The following TPST1 variants were observed in gnomAD, a reference collection of about 807,000 sequenced individuals.
TPST1 encodes tyrosylprotein sulfotransferase 1.
In TPST1, 20 loss-of-function variants were observed where a neutral mutation model predicts 34.8. The observed-to-expected ratio is 0.57, with a 90% CI of 0.40 to 0.84. The LOEUF (loss-of-function observed/expected upper bound fraction) is 0.84. Ranked by LOEUF, TPST1 falls within the 40% of genes least tolerant of loss-of-function variation. The probability of loss-of-function intolerance (pLI) is 0.00; values close to 1 mark genes in which losing one functional copy is unlikely to be tolerated. For synonymous variants in TPST1, 152 were observed against 159.4 expected, an observed-to-expected ratio of 0.95 and a Z score of 0.35; for missense variants, 353 against 455.5, an observed-to-expected ratio of 0.78 and a Z score of 2.05.
At chr7:66,202,976 T>C (rs895548753), upstream of TPST1, among the ~76,000 whole-genome samples, 2 of 152,100 alleles carry the variant, frequency 1.3e-5, no homozygotes, top group African/African-American at 4.8e-5. Flanking sequence ...CTGGGGAGGC[T>C]GAGGCTGAAG....
upstream of TPST1, among the ~76,000 whole-genome samples, chr7:66,201,794 AGTGAGC>A (rs1344993063): frequency 6.6e-6 from 1 of 150,744 alleles, no homozygotes; most frequent in Admixed American, 6.6e-5. Context: ...TTGAGGCTGC[AGTGAGC>A]TATGACTATG....
rs529107245 is a variant in TPST1, at chr7:66,280,090, C to T, written c.846-6421C>T. On this transcript the variant is annotated intron_variant, in intron 2 of 5. Transcript: ENST00000304842. Reference sequence around the variant, plus strand: ...GGCCCACAGTCCCCCTGGCATTTCTCGGCCCTTGTGGGCTGCAGACGGAAA... The same window carrying T: ...GGCCCACAGTCCCCCTGGCATTTCTTGGCCCTTGTGGGCTGCAGACGGAAA... Among the ~76,000 whole-genome samples, 342 of 152,324 alleles carry T rather than the reference C, an allele frequency of 2.2e-3. 2 individuals carry two copies. The highest frequency in any genetic ancestry group is 8.0e-3 in the African/African-American group (332 of 41,566).
chr7:66,240,283 A>G, intron 1 of TPST1, 42 bp from the exon 2 acceptor site: 3 of 1,014,164 alleles, frequency 3.0e-6, no homozygotes, highest in Non-Finnish European at 4.2e-6. Context: ...TTTGTAAGCA[A>G]TCTCAATGTA....
chr7:66,217,232 A>G (rs188197978), intron 1 of TPST1, among the ~76,000 whole-genome samples: 50 of 152,148 alleles, frequency 3.3e-4, no homozygotes, highest in African/African-American at 8.7e-4. Context: ...GTAGTCTTCT[A>G]TTTCCTTGCT....
intron 2 of TPST1, among the ~76,000 whole-genome samples, chr7:66,241,554 G>T (rs889646661): frequency 6.6e-6 from 1 of 152,036 alleles, no homozygotes. Flanking sequence ...CCTTACAGGC[G>T]GTGAAAAGCC....
intron 3 of TPST1, among the ~76,000 whole-genome samples, chr7:66,294,511 A>G (rs888688616): frequency 2.0e-5 from 3 of 152,112 alleles, no homozygotes; most frequent in African/African-American, 7.2e-5. Context: ...CATTATTAGC[A>G]GCTATATGGG....
rs565008281 is a variant in TPST1 at position 66,229,223 on chromosome 7, G to T, written c.-101-11102G>T. Among the ~76,000 whole-genome samples, 5 of 151,804 alleles carry T rather than the reference G, an allele frequency of 3.3e-5. No homozygotes were observed. The South Asian group carries it at 1.0e-3, about 32-fold the overall frequency. ...CTTCCTAGATTCACACCATTGTCCT[G>T]CCTCAGCCTCCGGAGTAGCTGGGAC... On this transcript the variant is annotated intron_variant, in intron 1 of 5. Transcript: ENST00000304842.
chr7:66,212,107 T>A lies in TPST1; in HGVS notation c.-102+6585T>A, dbSNP rs563186389. 3.9e-5 allele frequency among the ~76,000 whole-genome samples: 6 copies of A among 152,338 alleles called. 1 individual carries two copies. The highest frequency in any genetic ancestry group is 4.4e-5 in the Non-Finnish European group (3 of 68,026). On this transcript the variant is annotated intron_variant, in intron 1 of 5. Coordinates refer to ENST00000304842, the MANE Select transcript of TPST1 (RefSeq NM_003596.4). ...TACAGAGGTTTATTCAGGCTTTGTC[T>A]TTAGAAGATACTATTTAAAATAGAC...
At chr7:66,216,642 G>A (rs1253531355) in intron 1 of TPST1, among the ~76,000 whole-genome samples, 1 of 151,946 alleles carries the variant, frequency 6.6e-6, no homozygotes, top group Non-Finnish European at 1.5e-5. Flanking sequence ...GCTAATTTTT[G>A]TATTTTTAGT....
intron 3 of TPST1, among the ~76,000 whole-genome samples, chr7:66,311,023 A>G (rs180880685): frequency 6.6e-6 from 1 of 152,186 alleles, no homozygotes; most frequent in African/African-American, 2.4e-5. Context: ...AGAAATTCTT[A>G]TCTCATTCTT....
chr7:66,357,654 G>C (rs1792607229), intron 5 of TPST1, among the ~76,000 whole-genome samples: 1 of 152,208 alleles, frequency 6.6e-6, no homozygotes, highest in Admixed American at 6.5e-5. Context: ...AGATCTCCAG[G>C]TGCAGCTGCT....
At chr7:66,315,210 G>C (rs1405294442) in intron 3 of TPST1, among the ~76,000 whole-genome samples, 1 of 152,228 alleles carries the variant, frequency 6.6e-6, no homozygotes, top group Non-Finnish European at 1.5e-5. Flanking sequence ...AATCAACAAG[G>C]AATGGTGAAG....
chr7:66,334,944 G>A (rs1417698788), intron 3 of TPST1, among the ~76,000 whole-genome samples: 1 of 152,088 alleles, frequency 6.6e-6, no homozygotes, highest in African/African-American at 2.4e-5. Context: ...AACTATCTGG[G>A]GTAAAGTGGG....
Position 66,345,125 on chromosome 7 carries a change from GTAA to G in TPST1, c.1045-7375_1045-7373del, listed in dbSNP as rs370068397. Among the ~76,000 whole-genome samples, 58 of 152,146 alleles carry G rather than the reference GTAA, an allele frequency of 3.8e-4. 1 individual carries two copies. Among genetic ancestry groups the G allele is most frequent in the African/African-American group, 1.4e-3 (57 of 41,506 alleles). ...GAAAGGAATAGAAGAACCATTTGAAGTAATAATGACTATTTTCAAAACTAAAGA... is the reference window on the plus strand; with the variant it reads ...GAAAGGAATAGAAGAACCATTTGAAGTAATGACTATTTTCAAAACTAAAGA... On this transcript the variant is annotated intron_variant, in intron 3 of 5. Transcript: ENST00000304842.
chr7:66,280,530 G>T (rs144899287), intron 2 of TPST1, among the ~76,000 whole-genome samples: 75 of 152,306 alleles, frequency 4.9e-4, no homozygotes, highest in African/African-American at 1.7e-3. Context: ...AGAGACTGTG[G>T]GGTTTTCTAG....
chr7:66,346,983 A>G (rs1792363875), intron 3 of TPST1, among the ~76,000 whole-genome samples: 2 of 140,212 alleles, frequency 1.4e-5, no homozygotes, highest in African/African-American at 5.4e-5. Flanking sequence ...TATTTAATTC[A>G]TTTTGATTTG....
At chr7:66,228,507 AC>A (rs998189372) in intron 1 of TPST1, among the ~76,000 whole-genome samples, 1 of 152,114 alleles carries the variant, frequency 6.6e-6, no homozygotes, top group African/African-American at 2.4e-5. Flanking sequence ...CATATATGTA[AC>A]CCCCTAAATA....
chr7:66,275,945 A>G (rs1790800628), intron 2 of TPST1, among the ~76,000 whole-genome samples: 1 of 152,124 alleles, frequency 6.6e-6, no homozygotes, highest in South Asian at 2.1e-4. Flanking sequence ...CACCATGTAT[A>G]CATATTTTAA....
chr7:66,245,658 AT>A (rs1351928835), intron 2 of TPST1, among the ~76,000 whole-genome samples: 2 of 152,230 alleles, frequency 1.3e-5, no homozygotes, highest in African/African-American at 4.8e-5. Context: ...GAAACTTAAA[AT>A]TCTTATGTCT....
Sources: allele counts gnomAD v4.1 joint callset (sites outside exome capture counted in the v4.1 genomes callset), GRCh38; gene constraint gnomAD v4.1.1; transcripts MANE v1.5; gene names NCBI Gene and HGNC (gene_info 2026-07-23, HGNC 2026-07-21).